The following RMND5A variants were observed in gnomAD, a reference collection of about 807,000 sequenced individuals.
RMND5A encodes the protein required for meiotic nuclear division 5 homolog A.
RMND5A carries 17 observed loss-of-function variants against 49.7 expected under a neutral mutation model. The observed-to-expected ratio is 0.34, with a 90% confidence interval of 0.23 to 0.51. RMND5A has a LOEUF of 0.51. Among genes scored for constraint, RMND5A ranks in the 20% least tolerant of loss-of-function variants. The pLI is 0.96. For synonymous variants in RMND5A, 156 were observed against 167.7 expected, an observed-to-expected ratio of 0.93 and a Z score of 0.54; for missense variants, 255 against 471.3, an observed-to-expected ratio of 0.54 and a Z score of 4.25.
At chr2:86,768,528 A>G (rs762806126) in intron 6 of RMND5A, among the ~76,000 whole-genome samples, 1 of 152,208 alleles carries the variant, frequency 6.6e-6, no homozygotes, top group Non-Finnish European at 1.5e-5. Flanking sequence ...AAACAGCAGG[A>G]TTGGGCAGAG....
At chr2:86,749,869 T>C (rs563480731) in intron 2 of RMND5A, among the ~76,000 whole-genome samples, 1 of 152,284 alleles carries the variant, frequency 6.6e-6, no homozygotes, top group Admixed American at 6.5e-5. Flanking sequence ...AGAGATAGGG[T>C]AGATAGCTGT....
intron 4 of RMND5A, among the ~76,000 whole-genome samples, chr2:86,760,987 T>TGTGTGTGTGA (rs1370259665): frequency 2.6e-5 from 4 of 151,832 alleles, no homozygotes; most frequent in African/African-American, 9.7e-5. Flanking sequence ...TGTGTGTGTG[T>TGTGTGTGTGA]GTGTGTGTGT....
chr2:86,768,371 A>G (rs2104410624), intron 6 of RMND5A, among the ~76,000 whole-genome samples: 1 of 152,340 alleles, frequency 6.6e-6, no homozygotes, highest in South Asian at 2.1e-4. Flanking sequence ...GGTGCATTCC[A>G]CAGGGTGCTC....
At position 86,775,223 on chromosome 2, in the gene RMND5A, G is replaced by A. The variant is rs556582254; in HGVS notation, c.*1812G>A. 1.3e-5 allele frequency: 2 copies of A among 152,064 alleles called. No homozygotes were observed. The highest frequency in any genetic ancestry group is 3.9e-4 in the East Asian group (2 of 5,174). The allele number at this position is 152,064 out of a possible 1,614,324, so 9.4% of individuals were successfully genotyped here. On this transcript the variant is annotated 3_prime_UTR_variant, in exon 9 of 9. Transcript: ENST00000283632. The stretch of plus-strand genomic sequence containing the variant: ...AAACTCTTTGGACTGTGAAAGAGAA[G>A]GTAGAGAATTCCAGGCAACAGTCTG...
At chr2:86,732,352 T>G (rs1681346147) in intron 1 of RMND5A, among the ~76,000 whole-genome samples, 1 of 150,130 alleles carries the variant, frequency 6.7e-6, no homozygotes, top group Non-Finnish European at 1.5e-5. Flanking sequence ...AGACGGAAAA[T>G]TAAAAGTGCA....
chr2:86,746,202 A>G (rs1681535396), intron 2 of RMND5A, among the ~76,000 whole-genome samples: 2 of 152,256 alleles, frequency 1.3e-5, no homozygotes, highest in Admixed American at 6.5e-5. Context: ...CTTAATATCC[A>G]TTAAACTGTG....
intron 6 of RMND5A, among the ~76,000 whole-genome samples, chr2:86,768,763 C>G (rs1672639970): frequency 6.6e-6 from 1 of 152,158 alleles, no homozygotes; most frequent in Non-Finnish European, 1.5e-5. Context: ...GCCAACACTT[C>G]CAGATCTGAG....
intron 2 of RMND5A, among the ~76,000 whole-genome samples, chr2:86,746,492 T>G (rs1199526999): frequency 6.6e-6 from 1 of 152,212 alleles, no homozygotes; most frequent in African/African-American, 2.4e-5. Context: ...CACCAAAGAC[T>G]TGTAAGGTCG....
At chr2:86,721,484 C>T (rs933593499) in intron 1 of RMND5A, among the ~76,000 whole-genome samples, 2 of 151,924 alleles carry the variant, frequency 1.3e-5, no homozygotes, top group Non-Finnish European at 2.9e-5. Context: ...CTTCTGATGA[C>T]ACCGAGGAGG....
At position 86,721,876 on chromosome 2, in the gene RMND5A, TCTC is replaced by T. The variant is rs763068841; in HGVS notation, c.142+1070_142+1072del. Among the ~76,000 whole-genome samples the T allele has an allele frequency of 4.4e-4, 61 of 139,502 alleles. 1 individual carries two copies. In the Middle Eastern group the frequency reaches 0.01, roughly 24 times the overall value. The allele number at this position is 139,502 out of a possible 152,430, so 91.5% of individuals were successfully genotyped here. ...GGCGTTAGCTGAGTGTCTCTCTCCT[TCTC>T]CTTCATTTTTTCACACTTTCCCAGA... On this transcript the variant is annotated intron_variant, in intron 1 of 8. Coordinates refer to ENST00000283632, the MANE Select transcript of RMND5A (RefSeq NM_022780.4).
At chr2:86,759,672 C>T (rs1257258182) in intron 4 of RMND5A, among the ~76,000 whole-genome samples, 1 of 143,388 alleles carries the variant, frequency 7.0e-6, no homozygotes, top group Non-Finnish European at 1.5e-5. Flanking sequence ...CGGTGGTGAG[C>T]ACCTGTAACC....
Position 86,751,958 on chromosome 2 carries a change from G to T in RMND5A, c.348G>T (p.Arg116Ser). Residue 116 changes from arginine to serine, a missense_variant, in exon 3 of 9, where the codon AGG becomes AGT. Coordinates refer to ENST00000283632, the MANE Select transcript of RMND5A (RefSeq NM_022780.4). Reference protein sequence around the residue: ...IDGCWQADSQRLLNEVMVEHF... With the variant: ...IDGCWQADSQSLLNEVMVEHF... ...GCTGCTGGCAGGCAGACAGCCAAAG[G>T]CTTCTCAATGAGGTGATGGTGGAGC... 1.2e-6 allele frequency: 2 copies of T among 1,613,972 alleles called. No individual in the cohort carries two copies. Among genetic ancestry groups the T allele is most frequent in the Non-Finnish European group, 1.7e-6 (2 of 1,179,924 alleles).
chr2:86,776,463 C>G lies in RMND5A; in HGVS notation c.*3052C>G, dbSNP rs1398672816. The G allele has an allele frequency of 6.6e-6, 1 of 152,172 alleles. No individual in the cohort carries two copies. Among genetic ancestry groups the G allele is most frequent in the East Asian group, 1.9e-4 (1 of 5,198 alleles). 9.4% of individuals were successfully genotyped at this position (152,172 alleles called of 1,614,324 possible). The stretch of plus-strand genomic sequence containing the variant: ...ATGCATAGAGACACTAAAACCCACA[C>G]CACATTTTGTGGGAAATGAGGATCC... On this transcript the variant is annotated 3_prime_UTR_variant, in exon 9 of 9. Coordinates refer to ENST00000283632, the MANE Select transcript of RMND5A (RefSeq NM_022780.4).
chr2:86,765,503 CAGAG>C, intron 5 of RMND5A: 1 of 353,552 alleles, frequency 2.8e-6, no homozygotes, highest in Non-Finnish European at 5.1e-6. Context: ...AGCAAAGTGT[CAGAG>C]AGCCAAGGTG....
Position 86,765,489 on chromosome 2 carries a change from C to T in RMND5A, c.688+296C>T, listed in dbSNP as rs77778958. The stretch of plus-strand genomic sequence containing the variant: ...ACCTGGCTGTATGCTGCTGCTCTTG[C>T]CACAGCAAAGTGTCAGAGAGCCAAG... On this transcript the variant is annotated intron_variant, in intron 5 of 8. Coordinates refer to ENST00000283632, the MANE Select transcript of RMND5A (RefSeq NM_022780.4). 1,500 of 360,052 alleles carry T rather than the reference C, an allele frequency of 4.2e-3. 60 individuals carry two copies. The East Asian group carries it at 0.071, about 17-fold the overall frequency. 22.3% of individuals were successfully genotyped at this position (360,052 alleles called of 1,614,324 possible). A position where few individuals can be genotyped will look rare whatever the true frequency, so the allele number is the denominator to read the frequency against.
intron 2 of RMND5A, among the ~76,000 whole-genome samples, chr2:86,750,050 G>T (rs1014856554): frequency 6.6e-6 from 1 of 152,202 alleles, no homozygotes; most frequent in Non-Finnish European, 1.5e-5. Flanking sequence ...GGTTGACTAG[G>T]ATTGCAATTT....
In RMND5A at chr2:86,775,107, G is replaced by A. The variant is rs1325172541; in HGVS notation, c.*1696G>A. 1.3e-5 allele frequency: 2 copies of A among 152,482 alleles called. No homozygotes were observed. The highest frequency in any genetic ancestry group is 2.9e-5 in the Non-Finnish European group (2 of 68,066). The allele number at this position is 152,482 out of a possible 1,614,324, so 9.4% of individuals were successfully genotyped here. On this transcript the variant is annotated 3_prime_UTR_variant, in exon 9 of 9. Transcript: ENST00000283632. Reference sequence around the variant, plus strand: ...TCCAACCTCAGTCTGGCCCCATAGCGACTTTTGCCCCATGATTCTGCTTCA... The same window carrying A: ...TCCAACCTCAGTCTGGCCCCATAGCAACTTTTGCCCCATGATTCTGCTTCA...
intron 6 of RMND5A, among the ~76,000 whole-genome samples, chr2:86,766,993 A>C (rs1429641157): frequency 2.6e-5 from 4 of 152,136 alleles, no homozygotes; most frequent in Non-Finnish European, 2.9e-5. Context: ...TCTTGAGAAA[A>C]AGTATGTTGT....
intron 2 of RMND5A, among the ~76,000 whole-genome samples, chr2:86,747,016 A>ATC (rs1438262976): frequency 6.6e-6 from 1 of 152,238 alleles, no homozygotes; most frequent in Non-Finnish European, 1.5e-5. Flanking sequence ...AAGCACTGCT[A>ATC]TCTGGTATAT....
Sources: gnomAD v4.1 joint callset for allele counts (sites outside exome capture counted in the v4.1 genomes callset) on GRCh38, gnomAD v4.1.1 for gene constraint, MANE v1.5 for transcripts, NCBI Gene and HGNC (gene_info 2026-07-23, HGNC 2026-07-21) for gene names.